Variants in NEK1 observed in about 807,000 individuals in gnomAD.
NEK1 encodes the protein NIMA related kinase 1, also known as serine/threonine-protein kinase Nek1.
NEK1 carries 137 observed loss-of-function variants against 182.1 expected under a neutral mutation model. That is an observed-to-expected ratio of 0.75 (90% CI 0.65 to 0.87). The LOEUF (loss-of-function observed/expected upper bound fraction) is 0.87, where lower values mean the gene tolerates loss of function less well. NEK1 is among the 40% of genes least tolerant of loss of function. The probability of loss-of-function intolerance (pLI) is 0.00; values close to 1 mark genes in which losing one functional copy is unlikely to be tolerated. For synonymous variants in NEK1, 513 were observed against 492.2 expected (o/e 1.04, Z -0.56); for missense variants, 1,391 against 1,494.4 (o/e 0.93, Z 1.14).
intron 11 of NEK1, among the ~76,000 whole-genome samples, chr4:169,577,459 T>A (rs1055506472): frequency 6.6e-6 from 1 of 152,182 alleles, no homozygotes; most frequent in Non-Finnish European, 1.5e-5. Context: ...ATGTAAGTTA[T>A]GTATCAATAG....
chr4:169,427,589 G>A (rs1036340120), intron 29 of NEK1, among the ~76,000 whole-genome samples: 1 of 151,794 alleles, frequency 6.6e-6, no homozygotes, highest in Non-Finnish European at 1.5e-5. Context: ...CCTCCTCCCA[G>A]GTTCAAGCAA....
At chr4:169,435,153 C>G (rs1738163083) in intron 28 of NEK1, among the ~76,000 whole-genome samples, 1 of 152,124 alleles carries the variant, frequency 6.6e-6, no homozygotes, top group Non-Finnish European at 1.5e-5. Context: ...CTGAAGGATC[C>G]AATGTCAGGG....
chr4:169,539,028 A>T (rs1758961885), intron 18 of NEK1, among the ~76,000 whole-genome samples: 1 of 152,204 alleles, frequency 6.6e-6, no homozygotes, highest in Non-Finnish European at 1.5e-5. Flanking sequence ...TAGTACTTAA[A>T]AAAGATTCTT....
At chr4:169,532,755 C>G (rs1580523331) in intron 19 of NEK1, among the ~76,000 whole-genome samples, 2 of 148,476 alleles carry the variant, frequency 1.3e-5, no homozygotes, top group Admixed American at 1.3e-4. Context: ...GCCTGGGCAA[C>G]AAGGTGAAAT....
At chr4:169,470,974 G>C (rs1426224660) in intron 26 of NEK1, among the ~76,000 whole-genome samples, 1 of 152,084 alleles carries the variant, frequency 6.6e-6, no homozygotes. Flanking sequence ...AGCTCCATCA[G>C]GTAATTTATG....
At chr4:169,494,169 T>C (rs1203321070) in intron 23 of NEK1, among the ~76,000 whole-genome samples, 2 of 152,112 alleles carry the variant, frequency 1.3e-5, no homozygotes, top group Non-Finnish European at 1.5e-5. Context: ...TACATATGTA[T>C]ACATGTAACA....
intron 27 of NEK1, among the ~76,000 whole-genome samples, chr4:169,462,831 C>T (rs943687631): frequency 6.6e-6 from 1 of 152,136 alleles, no homozygotes; most frequent in Non-Finnish European, 1.5e-5. Flanking sequence ...TTTCCTCCTG[C>T]CTCATGACAA....
At chr4:169,603,250 C>T (rs1326748940) in intron 2 of NEK1, among the ~76,000 whole-genome samples, 1 of 152,136 alleles carries the variant, frequency 6.6e-6, no homozygotes, top group African/African-American at 2.4e-5. Flanking sequence ...GCCAGTAGTG[C>T]CTGCTACTAG....
intron 27 of NEK1, among the ~76,000 whole-genome samples, chr4:169,439,036 T>C (rs1445303232): frequency 1.3e-5 from 2 of 152,202 alleles, no homozygotes; most frequent in Non-Finnish European, 2.9e-5. Flanking sequence ...ACCCTGAAAG[T>C]ACCTACAATG....
intron 27 of NEK1, among the ~76,000 whole-genome samples, chr4:169,451,860 A>C (rs1280193140): frequency 6.6e-6 from 1 of 152,178 alleles, no homozygotes; most frequent in East Asian, 1.9e-4. Context: ...TTTTTTGAAA[A>C]GATCAACAAA....
rs368669247 is a variant in NEK1 at position 169,424,692 on chromosome 4, G to A, written c.3083C>T (p.Pro1028Leu). 1 of 1,613,692 alleles carries A rather than the reference G, an allele frequency of 6.2e-7. No homozygotes were observed. The highest frequency in any genetic ancestry group is 1.3e-5 in the African/African-American group (1 of 74,890). ...VVHSEHLNLV[P>L]QVQSVQCSPE... ...TGAACACTGAACTGATTGAACTTGAGGGACTAAGTTCAAGTGTTCAGAATG... is the reference window on the plus strand; with the variant it reads ...TGAACACTGAACTGATTGAACTTGAAGGACTAAGTTCAAGTGTTCAGAATG... The change falls in exon 31 of 36, where the codon CCT becomes CTT. Residue 1028 changes from proline to leucine, a missense_variant. Pro to Leu is a moderately conservative substitution (Grantham distance 98). Transcript: ENST00000507142.
At chr4:169,446,248 G>A (rs192057395) in intron 27 of NEK1, among the ~76,000 whole-genome samples, 9 of 151,980 alleles carry the variant, frequency 5.9e-5, no homozygotes, top group East Asian at 3.9e-4. Context: ...AAAAGTTGGC[G>A]TTTTGAAAAG....
chr4:169,602,055 G>C lies in NEK1; in HGVS notation c.167C>G (p.Ala56Gly). The C allele has an allele frequency of 6.2e-7, 1 of 1,613,252 alleles. No individual in the cohort carries two copies. Among genetic ancestry groups the C allele is most frequent in the Non-Finnish European group, 8.5e-7 (1 of 1,179,480 alleles). ...GACAATATTTGGATGCTTCATGTTT[G>C]CCAATACTGCAACTTCTCTCCTTGA... is the stretch of plus-strand genomic sequence containing the variant. ...EESRREVAVL[A>G]NMKHPNIVQY... Residue 56 changes from alanine to glycine, a missense_variant, in exon 4 of 36, where the codon GCA becomes GGA. Around this residue, in one of 5 missense-constraint regions of NEK1, gnomAD observed 3 missense variants for 20.0 expected, o/e 0.15. Transcript: ENST00000507142.
chr4:169,523,413 ACT>A (rs1470000917), intron 19 of NEK1, among the ~76,000 whole-genome samples: 1 of 152,210 alleles, frequency 6.6e-6, no homozygotes, highest in African/African-American at 2.4e-5. Flanking sequence ...TTGAAGACAG[ACT>A]CACACACAGC....
Position 169,479,451 on chromosome 4 carries a change from C to G in NEK1, c.2091G>C (p.Gln697His), listed in dbSNP as rs1747570080. Reference sequence around the variant, plus strand: ...AAGTTACAGAAATAACAGATCTCATCTGTTGCTTTGATGGAGAGCCACCTG... The same window carrying G: ...AAGTTACAGAAATAACAGATCTCATGTGTTGCTTTGATGGAGAGCCACCTG... Reference protein sequence around the residue: ...HETGGSPSKQQMRSVISVTSA... With the variant: ...HETGGSPSKQHMRSVISVTSA... The change falls in exon 24 of 36, where the codon CAG (glutamine) becomes CAC (histidine). Residue 697 changes from glutamine to histidine, a missense_variant. Coordinates refer to ENST00000507142, the MANE Select transcript of NEK1 (RefSeq NM_001199397.3). 29 of 1,612,334 alleles carry G rather than the reference C, an allele frequency of 1.8e-5. No homozygotes were observed. The highest frequency in any genetic ancestry group is 2.3e-5 in the Non-Finnish European group (27 of 1,179,242).
intron 12 of NEK1, among the ~76,000 whole-genome samples, chr4:169,569,832 C>T (rs1377200411): frequency 3.3e-5 from 5 of 152,202 alleles, no homozygotes; most frequent in African/African-American, 4.8e-5. Context: ...GTCGTGATCT[C>T]GGCTCGCTAC....
chr4:169,436,291 A>G (rs1257712197), intron 28 of NEK1, among the ~76,000 whole-genome samples: 1 of 152,238 alleles, frequency 6.6e-6, no homozygotes, highest in African/African-American at 2.4e-5. Flanking sequence ...ATCCGGAAGC[A>G]AGGAGCTGAT....
At chr4:169,574,119 C>T (rs1327312988) in intron 12 of NEK1, among the ~76,000 whole-genome samples, 1 of 152,152 alleles carries the variant, frequency 6.6e-6, no homozygotes, top group East Asian at 1.9e-4. Context: ...GACCGCACTA[C>T]TGTCCTCTAG....
At chr4:169,440,696 C>T (rs192268353) in intron 27 of NEK1, among the ~76,000 whole-genome samples, 2 of 152,326 alleles carry the variant, frequency 1.3e-5, no homozygotes, top group African/African-American at 4.8e-5. Flanking sequence ...ACAGATTGAC[C>T]TGCCTGAATG....
Sources: allele counts gnomAD v4.1 joint callset (sites outside exome capture counted in the v4.1 genomes callset), GRCh38; gene constraint gnomAD v4.1.1; regional missense constraint gnomAD v4.1.1; transcripts MANE v1.5; gene names NCBI Gene and HGNC (gene_info 2026-07-23, HGNC 2026-07-21).